NSUN6: variants seen among roughly 807,000 people sequenced by gnomAD.
NSUN6 encodes NOP2/Sun RNA methyltransferase 6, also known as tRNA (cytosine(72)-C(5))-methyltransferase NSUN6.
In NSUN6, 64 loss-of-function variants were observed where a neutral mutation model predicts 58.0. That is an observed-to-expected ratio of 1.10 (90% CI 0.90 to 1.36). The LOEUF (loss-of-function observed/expected upper bound fraction) is 1.36. Ranked by LOEUF, NSUN6 falls within the 40% of genes most tolerant of loss-of-function variation. NSUN6 has a pLI of 0.00. For synonymous variants in NSUN6, 231 were observed against 193.9 expected, an observed-to-expected ratio of 1.19 and a Z score of -1.59; for missense variants, 701 against 550.1, an observed-to-expected ratio of 1.27 and a Z score of -2.74.
intron 7 of NSUN6, among the ~76,000 whole-genome samples, chr10:18,594,332 C>A (rs1327759090): frequency 1.3e-5 from 2 of 152,124 alleles, no homozygotes; most frequent in Non-Finnish European, 2.9e-5. Flanking sequence ...TTCTTTTACA[C>A]TGCCCTTGTA....
At chr10:18,607,198 G>T (rs1564793372) in intron 6 of NSUN6, among the ~76,000 whole-genome samples, 1 of 152,148 alleles carries the variant, frequency 6.6e-6, no homozygotes, top group Non-Finnish European at 1.5e-5. Flanking sequence ...AAGCATTCAA[G>T]TATGTTTGCC....
chr10:18,578,011 G>A (rs931964881), intron 8 of NSUN6, among the ~76,000 whole-genome samples: 15 of 152,194 alleles, frequency 9.9e-5, no homozygotes, highest in African/African-American at 2.2e-4. Flanking sequence ...CTGTAAGGGC[G>A]TACCCTTCTA....
intron 8 of NSUN6, among the ~76,000 whole-genome samples, chr10:18,561,622 G>A (rs1471770056): frequency 7.2e-6 from 1 of 139,066 alleles, no homozygotes; most frequent in Non-Finnish European, 1.6e-5. Context: ...GTGGTGAACA[G>A]AATGGAATGG....
chr10:18,589,490 G>C (rs897639759), intron 7 of NSUN6, among the ~76,000 whole-genome samples: 1 of 152,126 alleles, frequency 6.6e-6, no homozygotes, highest in Non-Finnish European at 1.5e-5. Flanking sequence ...TGAAGCAAAG[G>C]TTAAGGGCAG....
intron 7 of NSUN6, among the ~76,000 whole-genome samples, chr10:18,586,991 G>T (rs1181528641): frequency 6.6e-6 from 1 of 152,170 alleles, no homozygotes; most frequent in Non-Finnish European, 1.5e-5. Context: ...CTCGACCCAG[G>T]AAGTCCAGTT....
intron 8 of NSUN6, among the ~76,000 whole-genome samples, chr10:18,575,492 T>C (rs866538035): frequency 6.6e-6 from 1 of 152,312 alleles, no homozygotes; most frequent in African/African-American, 2.4e-5. Context: ...TTTGTACTAA[T>C]AGAGAACATT....
At chr10:18,624,490 A>G (rs2131414606) in intron 3 of NSUN6, among the ~76,000 whole-genome samples, 1 of 151,644 alleles carries the variant, frequency 6.6e-6, no homozygotes, top group Middle Eastern at 3.4e-3. Flanking sequence ...CCTGGCTAAA[A>G]AAATACAAAA....
At chr10:18,652,082 GCTAATGGT>G, upstream of NSUN6, 1 of 985,322 alleles carries the variant, frequency 1.0e-6, no homozygotes, top group Non-Finnish European at 1.2e-6. Context: ...TGAAAGTTGG[GCTAATGGT>G]CTGTTAATAT....
intron 8 of NSUN6, among the ~76,000 whole-genome samples, chr10:18,578,623 TTCTC>T (rs758430286): frequency 1.3e-5 from 2 of 152,176 alleles, no homozygotes; most frequent in African/African-American, 4.8e-5. Context: ...TTGGTTTATA[TTCTC>T]TCTCTCCGGC....
At chr10:18,574,607 GA>G (rs1322508607) in intron 8 of NSUN6, among the ~76,000 whole-genome samples, 1 of 152,102 alleles carries the variant, frequency 6.6e-6, no homozygotes, top group Non-Finnish European at 1.5e-5. Flanking sequence ...TGTAGAAATT[GA>G]GTCAGGAAAC....
chr10:18,570,965 C>A (rs1369560822), intron 8 of NSUN6, among the ~76,000 whole-genome samples: 4 of 151,054 alleles, frequency 2.6e-5, no homozygotes, highest in African/African-American at 9.7e-5. Flanking sequence ...TTTCTCCATT[C>A]CATTCCCATT....
intron 6 of NSUN6, among the ~76,000 whole-genome samples, chr10:18,599,459 A>C (rs1286799131): frequency 6.6e-6 from 1 of 152,192 alleles, no homozygotes; most frequent in African/African-American, 2.4e-5. Flanking sequence ...TATGCAGTAT[A>C]ATCACCGGGT....
chr10:18,586,752 T>TA (rs2057164866), intron 7 of NSUN6, among the ~76,000 whole-genome samples: 1 of 152,142 alleles, frequency 6.6e-6, no homozygotes, highest in Non-Finnish European at 1.5e-5. Context: ...AAGTTTCCAC[T>TA]ATGTGGAAGG....
intron 6 of NSUN6, among the ~76,000 whole-genome samples, chr10:18,603,563 CG>C (rs1325219623): frequency 6.6e-6 from 1 of 151,776 alleles, no homozygotes; most frequent in African/African-American, 2.4e-5. Flanking sequence ...CTCCGCCTCC[CG>C]GGTTCAAGTG....
At chr10:18,598,717 A>T (rs1018502344) in intron 6 of NSUN6, among the ~76,000 whole-genome samples, 5 of 152,174 alleles carry the variant, frequency 3.3e-5, no homozygotes, top group South Asian at 2.1e-4. Context: ...CTGCCCACGT[A>T]GGCCTCCCAA....
At chr10:18,639,232 C>T (rs1254785869) in intron 3 of NSUN6, among the ~76,000 whole-genome samples, 1 of 152,174 alleles carries the variant, frequency 6.6e-6, no homozygotes, top group African/African-American at 2.4e-5. Flanking sequence ...CGGTGGCTCA[C>T]ACCTGTAATC....
intron 6 of NSUN6, among the ~76,000 whole-genome samples, chr10:18,603,941 T>C (rs938880241): frequency 2.0e-5 from 3 of 152,134 alleles, no homozygotes; most frequent in African/African-American, 7.2e-5. Context: ...CCCAGCACTT[T>C]GGGAGATTAA....
chr10:18,553,634 AG>A (rs2054766026), intron 8 of NSUN6, among the ~76,000 whole-genome samples: 1 of 151,500 alleles, frequency 6.6e-6, no homozygotes, highest in Non-Finnish European at 1.5e-5. Flanking sequence ...ACGGAATGGA[AG>A]GAAGAATGGA....
intron 10 of NSUN6, among the ~76,000 whole-genome samples, chr10:18,547,678 C>G (rs1315732407): frequency 6.6e-6 from 1 of 152,076 alleles, no homozygotes; most frequent in Non-Finnish European, 1.5e-5. Flanking sequence ...TCCAGAAATA[C>G]TTTTTTCCCT....
Sources: allele counts gnomAD v4.1 joint callset (sites outside exome capture counted in the v4.1 genomes callset), GRCh38; gene constraint gnomAD v4.1.1; transcripts MANE v1.5; gene names NCBI Gene and HGNC (gene_info 2026-07-23, HGNC 2026-07-21).